COX16: variants seen among roughly 807,000 people sequenced by gnomAD.
The protein encoded by COX16 is cytochrome c oxidase assembly protein COX16 homolog, mitochondrial.
Under a neutral mutation model 15.4 loss-of-function variants are expected in COX16, and 12 were observed. The ratio of observed to expected loss-of-function variants is 0.78; its 90% CI spans 0.50 to 1.26. The LOEUF is 1.26. Among genes scored for constraint, COX16 ranks in the 50% most tolerant of loss-of-function variants. The pLI, the probability that COX16 is intolerant of heterozygous loss-of-function variation, is 0.00. For missense variants in COX16, 124 were observed against 127.6 expected, an observed-to-expected ratio of 0.97 and a Z score of 0.14; for synonymous variants, 46 against 41.1, an observed-to-expected ratio of 1.12 and a Z score of -0.46.
At chr14:70,333,470 A>G (rs532958127) in intron 2 of COX16, among the ~76,000 whole-genome samples, 1 of 152,380 alleles carries the variant, frequency 6.6e-6, no homozygotes, top group South Asian at 2.1e-4. Context: ...CATCAACAGA[A>G]GAATTCAGCA....
At chr14:70,335,081 A>C (rs1594911728) in intron 2 of COX16, among the ~76,000 whole-genome samples, 3 of 152,284 alleles carry the variant, frequency 2.0e-5, no homozygotes, top group South Asian at 4.1e-4. Context: ...AATAGACTTA[A>C]GTCAAAAACT....
chr14:70,353,034 G>A (rs1007862160), intron 1 of COX16, among the ~76,000 whole-genome samples: 44 of 151,948 alleles, frequency 2.9e-4, no homozygotes, highest in African/African-American at 8.5e-4. Flanking sequence ...AGGCCAAGGC[G>A]GGAGAATCAC....
intron 1 of COX16, among the ~76,000 whole-genome samples, chr14:70,348,090 G>C (rs1428746845): frequency 6.6e-6 from 1 of 152,056 alleles, no homozygotes; most frequent in Non-Finnish European, 1.5e-5. Context: ...CAGTCTAAGA[G>C]ACCCACCCTC....
chr14:70,354,158 C>CAAT (rs960599288), intron 1 of COX16, among the ~76,000 whole-genome samples: 3 of 151,104 alleles, frequency 2.0e-5, no homozygotes, highest in Non-Finnish European at 4.4e-5. Context: ...AAAAAAACAA[C>CAAT]AATAATAATA....
At chr14:70,338,951 A>G (rs937618161) in intron 2 of COX16, among the ~76,000 whole-genome samples, 2 of 152,196 alleles carry the variant, frequency 1.3e-5, no homozygotes, top group African/African-American at 4.8e-5. Context: ...GTGTCCTTCC[A>G]TATGTCATTA....
Position 70,359,627 on chromosome 14 carries a change from T to C in COX16, c.-40A>G, listed in dbSNP as rs1406300071. 6.3e-7 allele frequency: 1 copy of C among 1,581,592 alleles called. No individual in the cohort carries two copies. Among genetic ancestry groups the C allele is most frequent in the Non-Finnish European group, 8.7e-7 (1 of 1,150,688 alleles). On this transcript the variant is annotated 5_prime_UTR_variant, in exon 1 of 4. Transcript: ENST00000389912. ...ATCGGCTCAGAACTCCAAGCGGGCC[T>C]AGCGCAGACTCCCAAATCTCAGCAG...
intron 1 of COX16, among the ~76,000 whole-genome samples, chr14:70,353,286 A>C (rs1887020476): frequency 6.7e-6 from 1 of 150,280 alleles, no homozygotes. Flanking sequence ...AAAAAGAAAA[A>C]AAATCTAATT....
At chr14:70,348,543 G>C (rs980565131) in intron 1 of COX16, among the ~76,000 whole-genome samples, 1 of 151,992 alleles carries the variant, frequency 6.6e-6, no homozygotes, top group African/African-American at 2.4e-5. Flanking sequence ...CAAGGATGCC[G>C]GCATGCTGGC....
At chr14:70,339,886 A>G (rs1460360283) in intron 2 of COX16, among the ~76,000 whole-genome samples, 1 of 150,898 alleles carries the variant, frequency 6.6e-6, no homozygotes, top group Non-Finnish European at 1.5e-5. Context: ...ACAGACCTTA[A>G]CCATCCTCCT....
intron 1 of COX16, among the ~76,000 whole-genome samples, chr14:70,345,671 G>A (rs1002550374): frequency 1.3e-5 from 2 of 152,070 alleles, no homozygotes; most frequent in African/African-American, 2.4e-5. Context: ...TATTGCCGAC[G>A]ACTGGAAAAA....
intron 2 of COX16, among the ~76,000 whole-genome samples, chr14:70,336,641 T>C (rs540690062): frequency 6.6e-6 from 1 of 152,318 alleles, no homozygotes; most frequent in South Asian, 2.1e-4. Context: ...AATGACCTAC[T>C]GTTGGTGGGC....
chr14:70,353,257 C>CA (rs200170156), intron 1 of COX16, among the ~76,000 whole-genome samples: 89,431 of 125,902 alleles, frequency 0.71, 31,033 homozygotes, highest in East Asian at 0.92. Flanking sequence ...GAGACTCTGT[C>CA]AAAAAAAAAA....
chr14:70,331,232 T>C (rs1026657017), intron 2 of COX16, among the ~76,000 whole-genome samples: 9 of 152,164 alleles, frequency 5.9e-5, no homozygotes, highest in Non-Finnish European at 1.2e-4. Context: ...GGTCTTGATC[T>C]CTTGACCTCA....
At chr14:70,338,811 T>A (rs1459354875) in intron 2 of COX16, among the ~76,000 whole-genome samples, 2 of 152,232 alleles carry the variant, frequency 1.3e-5, no homozygotes, top group Non-Finnish European at 2.9e-5. Flanking sequence ...TGCCTCATCG[T>A]GGACCTGTGA....
chr14:70,331,913 C>T (rs566294308), intron 2 of COX16, among the ~76,000 whole-genome samples: 1 of 152,188 alleles, frequency 6.6e-6, no homozygotes, highest in Non-Finnish European at 1.5e-5. Flanking sequence ...AGTCTTGCTG[C>T]AGGAACCTCA....
At position 70,359,568 on chromosome 14, in the gene COX16, A is replaced by G. The variant is rs1594932563; in HGVS notation, c.20T>C (p.Met7Thr). The G allele has an allele frequency of 2.5e-6, 4 of 1,614,130 alleles. No individual in the cohort carries two copies. Among genetic ancestry groups the G allele is most frequent in the Non-Finnish European group, 3.4e-6 (4 of 1,179,982 alleles). Residue 7 changes from methionine (M) to threonine (T), a missense_variant, in exon 1 of 4, where the codon ATG (methionine) becomes ACG (threonine). Met to Thr is a moderately conservative substitution (Grantham distance 81). Transcript: ENST00000389912. MFAPAVMRAFRKNKTLG... is the reference protein window; with the variant it reads MFAPAVTRAFRKNKTLG... The stretch of plus-strand genomic sequence containing the variant: ...AGTCTTGTTCTTGCGAAAAGCACGC[A>G]TCACCGCGGGTGCAAACATGAGTGA...
At chr14:70,345,022 G>A (rs933612873) in intron 1 of COX16, among the ~76,000 whole-genome samples, 5 of 152,082 alleles carry the variant, frequency 3.3e-5, no homozygotes, top group South Asian at 2.1e-4. Flanking sequence ...GGTTCCAACC[G>A]ATACAAGAAC....
intron 1 of COX16, among the ~76,000 whole-genome samples, chr14:70,355,928 C>G (rs1051632776): frequency 1.3e-5 from 2 of 151,984 alleles, no homozygotes; most frequent in Non-Finnish European, 2.9e-5. Flanking sequence ...TCAAAAAGAG[C>G]CTGCCACCTC....
intron 2 of COX16, among the ~76,000 whole-genome samples, chr14:70,332,477 G>C (rs549550995): frequency 6.6e-6 from 1 of 152,192 alleles, no homozygotes; most frequent in Non-Finnish European, 1.5e-5. Flanking sequence ...TAGCCTCCAG[G>C]CCACAGCAGA....
Sources: allele counts gnomAD v4.1 joint callset (sites outside exome capture counted in the v4.1 genomes callset), GRCh38; gene constraint gnomAD v4.1.1; transcripts MANE v1.5; gene names NCBI Gene and HGNC (gene_info 2026-07-23, HGNC 2026-07-21).